The following PTPRT variants were observed in gnomAD, a reference collection of about 807,000 sequenced individuals.
The protein encoded by PTPRT is receptor-type tyrosine-protein phosphatase T.
In PTPRT, 56 loss-of-function variants were observed where a neutral mutation model predicts 176.8. The ratio of observed to expected loss-of-function variants is 0.32; its 90% CI spans 0.26 to 0.40. The LOEUF is 0.40. PTPRT is among the 10% of genes least tolerant of loss of function. The probability of loss-of-function intolerance (pLI) is 1.00; values close to 1 mark genes in which losing one functional copy is unlikely to be tolerated. For synonymous variants in PTPRT, 783 were observed against 739.0 expected, an observed-to-expected ratio of 1.06 and a Z score of -0.96; for missense variants, 1,540 against 1,908.2, an observed-to-expected ratio of 0.81 and a Z score of 3.60.
chr20:42,893,536 A>G (rs1350199305), intron 1 of PTPRT, among the ~76,000 whole-genome samples: 1 of 151,738 alleles, frequency 6.6e-6, no homozygotes, highest in Non-Finnish European at 1.5e-5. Context: ...ACTATAAATC[A>G]TGCTGCTATA....
intron 26 of PTPRT, among the ~76,000 whole-genome samples, chr20:42,099,172 A>C (rs1288342923): frequency 6.6e-6 from 1 of 151,830 alleles, no homozygotes; most frequent in Non-Finnish European, 1.5e-5. Flanking sequence ...CCATTTGCCC[A>C]TTTATTCATT....
chr20:42,811,751 T>A (rs1253866421), intron 2 of PTPRT, among the ~76,000 whole-genome samples: 1 of 152,214 alleles, frequency 6.6e-6, no homozygotes, highest in Non-Finnish European at 1.5e-5. Flanking sequence ...ATAACTGTAA[T>A]TGTCTAAGTT....
chr20:42,831,272 T>G (rs2078081725), intron 2 of PTPRT, among the ~76,000 whole-genome samples: 1 of 152,084 alleles, frequency 6.6e-6, no homozygotes, highest in Admixed American at 6.6e-5. Context: ...AAACAAGCAA[T>G]GGGGAAAGGA....
intron 7 of PTPRT, among the ~76,000 whole-genome samples, chr20:42,667,948 CAGAGTG>C (rs779240166): frequency 1.5e-4 from 23 of 152,198 alleles, no homozygotes; most frequent in Admixed American, 1.4e-3. Flanking sequence ...CCATCATGGG[CAGAGTG>C]AGGTTGTAAA....
At chr20:42,181,149 T>G (rs1990506455) in intron 16 of PTPRT, among the ~76,000 whole-genome samples, 1 of 152,160 alleles carries the variant, frequency 6.6e-6, no homozygotes. Context: ...CCTTAATACA[T>G]AAGAGTAAAT....
chr20:42,351,318 C>T (rs1275254416), intron 10 of PTPRT, among the ~76,000 whole-genome samples: 1 of 152,084 alleles, frequency 6.6e-6, no homozygotes, highest in Non-Finnish European at 1.5e-5. Context: ...TATTTTGTAA[C>T]ATGTTTATTG....
intron 7 of PTPRT, among the ~76,000 whole-genome samples, chr20:42,633,841 A>C (rs1404962680): frequency 1.1e-5 from 1 of 93,754 alleles, no homozygotes; most frequent in African/African-American, 4.6e-5. Context: ...ATATATTATA[A>C]TAATATAATT....
At chr20:42,883,891 C>T (rs1478965199) in intron 2 of PTPRT, among the ~76,000 whole-genome samples, 1 of 147,050 alleles carries the variant, frequency 6.8e-6, no homozygotes, top group Non-Finnish European at 1.5e-5. Context: ...CACCAATACA[C>T]CCCCATACAC....
At chr20:42,398,733 TA>T (rs564329187) in intron 9 of PTPRT, among the ~76,000 whole-genome samples, 1 of 152,294 alleles carries the variant, frequency 6.6e-6, no homozygotes, top group Admixed American at 6.5e-5. Context: ...TTTTTTAATT[TA>T]AAAAAACATA....
At chr20:42,182,875 G>A (rs1321690223) in intron 16 of PTPRT, among the ~76,000 whole-genome samples, 2 of 150,994 alleles carry the variant, frequency 1.3e-5, no homozygotes, top group African/African-American at 4.9e-5. Flanking sequence ...CATACCCGTT[G>A]GGTTGTAGTG....
intron 2 of PTPRT, among the ~76,000 whole-genome samples, chr20:42,825,464 GA>G (rs528803181): frequency 3.3e-5 from 5 of 151,470 alleles, no homozygotes; most frequent in East Asian, 1.9e-4. Context: ...TTCTAAATGA[GA>G]AAAAAAAGCC....
At chr20:42,175,299 T>C (rs905270417) in intron 16 of PTPRT, among the ~76,000 whole-genome samples, 20 of 152,142 alleles carry the variant, frequency 1.3e-4, no homozygotes, top group Non-Finnish European at 2.5e-4. Flanking sequence ...TCTCTGTCCT[T>C]TCCCCTCTAG....
intron 2 of PTPRT, among the ~76,000 whole-genome samples, chr20:42,821,909 A>C (rs2077901196): frequency 6.6e-6 from 1 of 152,180 alleles, no homozygotes; most frequent in South Asian, 2.1e-4. Context: ...ATGAAATAAG[A>C]GGACACAAAC....
At chr20:42,228,500 C>T (rs930563435) in intron 15 of PTPRT, among the ~76,000 whole-genome samples, 1 of 152,202 alleles carries the variant, frequency 6.6e-6, no homozygotes, top group African/African-American at 2.4e-5. Context: ...ATTGTAATAG[C>T]AGTCATTAAT....
chr20:43,159,761 T>C (rs1404001408), intron 1 of PTPRT, among the ~76,000 whole-genome samples: 5 of 152,096 alleles, frequency 3.3e-5, no homozygotes, highest in Non-Finnish European at 7.4e-5. Flanking sequence ...AAGGAGGAAG[T>C]AGAGGTGCTT....
chr20:42,323,121 A>G (rs1020274267), intron 11 of PTPRT, among the ~76,000 whole-genome samples: 14 of 152,290 alleles, frequency 9.2e-5, no homozygotes, highest in African/African-American at 3.1e-4. Flanking sequence ...CAGGTGCTGG[A>G]GAGGATGTGG....
chr20:42,861,493 A>T (rs1252096206), intron 2 of PTPRT, among the ~76,000 whole-genome samples: 1 of 152,204 alleles, frequency 6.6e-6, no homozygotes, highest in African/African-American at 2.4e-5. Flanking sequence ...TTAAGAAAAA[A>T]AATTCTGAGT....
chr20:42,755,847 G>A (rs888293932), intron 6 of PTPRT, among the ~76,000 whole-genome samples: 2 of 152,160 alleles, frequency 1.3e-5, no homozygotes, highest in Admixed American at 6.5e-5. Flanking sequence ...GATAGCATAC[G>A]ATCACTAAGC....
chr20:42,549,777 G>A (rs771595792), intron 7 of PTPRT, among the ~76,000 whole-genome samples: 1 of 152,098 alleles, frequency 6.6e-6, no homozygotes, highest in Admixed American at 6.5e-5. Context: ...AGCCAGCTGC[G>A]ACAACACTGC....
Sources: gnomAD v4.1 joint callset for allele counts (sites outside exome capture counted in the v4.1 genomes callset) on GRCh38, gnomAD v4.1.1 for gene constraint, MANE v1.5 for transcripts, NCBI Gene and HGNC (gene_info 2026-07-23, HGNC 2026-07-21) for gene names.